The following PLXND1 variants were observed in gnomAD, a reference collection of about 807,000 sequenced individuals.
The protein encoded by PLXND1 is plexin-D1.
Under a neutral mutation model 197.7 loss-of-function variants are expected in PLXND1, and 54 were observed. The ratio of observed to expected loss-of-function variants is 0.27; its 90% confidence interval spans 0.22 to 0.34. The LOEUF (loss-of-function observed/expected upper bound fraction) is 0.34. Among genes scored for constraint, PLXND1 ranks in the 10% least tolerant of loss-of-function variants. PLXND1 has a pLI of 1.00. For missense variants in PLXND1, 2,127 were observed against 2,699.2 expected, an observed-to-expected ratio of 0.79 and a Z score of 4.70; for synonymous variants, 1,180 against 1,161.2, an observed-to-expected ratio of 1.02 and a Z score of -0.33.
intron 1 of PLXND1, among the ~76,000 whole-genome samples, chr3:129,594,601 G>A (rs1278425758): frequency 6.6e-6 from 1 of 152,172 alleles, no homozygotes; most frequent in African/African-American, 2.4e-5. Context: ...CATCCTTCAC[G>A]GGAGCCAAAG....
In PLXND1 at chr3:129,600,414, C is replaced by T. The variant is rs534627332; in HGVS notation, c.1311+4915G>A. ...TGTATTTATTTTTTATTATGGGCAG[C>T]CCCCTAAGCCAGAGTAGGCTGAGAG... is the stretch of plus-strand genomic sequence containing the variant. On this transcript the variant is annotated intron_variant, in intron 1 of 35. Transcript: ENST00000324093. Among the ~76,000 whole-genome samples, 6 of 152,244 alleles carry T rather than the reference C, an allele frequency of 3.9e-5. No individual in the cohort carries two copies. The South Asian group carries it at 1.0e-3, about 26-fold the overall frequency.
At position 129,605,783 on chromosome 3, in the gene PLXND1, G is replaced by C. The variant is rs768510814; in HGVS notation, c.857C>G (p.Pro286Arg). The change falls in exon 1 of 36, where the codon CCG (proline) becomes CGG (arginine). Residue 286 changes from proline (P) to arginine (R), a missense_variant. Coordinates refer to ENST00000324093, the MANE Select transcript of PLXND1 (RefSeq NM_015103.3). The stretch of plus-strand genomic sequence containing the variant: ...CTGTGCACCCGGCGGCGGGTCGGAC[G>C]GGTGCAGGAAGGCGCTCACGAAGCC... ...KLGFVSAFLH[P>R]SDPPPGAQSY... is the part of the protein sequence containing the mutation. The C allele has an allele frequency of 9.5e-6, 15 of 1,586,514 alleles. No individual in the cohort carries two copies. The highest frequency in any genetic ancestry group is 5.4e-5 in the Admixed American group (3 of 55,352).
At chr3:129,571,624 A>G in intron 16 of PLXND1, 25 bp from the exon 17 acceptor site, 1 of 1,613,794 alleles carries the variant, frequency 6.2e-7, no homozygotes, top group Non-Finnish European at 8.5e-7. Flanking sequence ...AAAACCTATC[A>G]GTGCACCTGC....
At position 129,555,403 on chromosome 3, in the gene PLXND1, C is replaced by A; in HGVS notation, c.*909G>T. The A allele has an allele frequency of 1.6e-6, 1 of 635,874 alleles. No homozygotes were observed. The highest frequency in any genetic ancestry group is 3.0e-5 in the East Asian group (1 of 33,586). 39.4% of individuals were successfully genotyped at this position (635,874 alleles called of 1,614,324 possible). A position where few individuals can be genotyped will look rare whatever the true frequency, so the allele number is the denominator to read the frequency against. On this transcript the variant is annotated 3_prime_UTR_variant, in exon 36 of 36. Transcript: ENST00000324093. ...GGGTGGTAGTCTCAGGCGCCAGGGGCGCTCTGCCAGGTCTGCCCGCTCTCT... is the reference window on the plus strand; with the variant it reads ...GGGTGGTAGTCTCAGGCGCCAGGGGAGCTCTGCCAGGTCTGCCCGCTCTCT...
rs576636463 is a variant in PLXND1, at chr3:129,599,146, C to T, written c.1311+6183G>A. Among the ~76,000 whole-genome samples the T allele has an allele frequency of 1.1e-4, 16 of 152,330 alleles. No homozygotes were observed. The South Asian group carries it at 1.7e-3, about 16-fold the overall frequency. Reference sequence around the variant, plus strand: ...CCCGCTCCTGTCCCAGTACACGCCACGCGTCTTTGTTCACGGCAGCAACCA... The same window carrying T: ...CCCGCTCCTGTCCCAGTACACGCCATGCGTCTTTGTTCACGGCAGCAACCA... On this transcript the variant is annotated intron_variant, in intron 1 of 35. Coordinates refer to ENST00000324093, the MANE Select transcript of PLXND1 (RefSeq NM_015103.3).
chr3:129,593,927 C>T (rs1347592676), intron 1 of PLXND1, among the ~76,000 whole-genome samples: 3 of 152,230 alleles, frequency 2.0e-5, no homozygotes, highest in African/African-American at 7.2e-5. Context: ...AAGCTCAGCT[C>T]TGCCCACTCT....
intron 9 of PLXND1, among the ~76,000 whole-genome samples, chr3:129,576,422 C>T (rs1219289492): frequency 6.6e-6 from 1 of 152,240 alleles, no homozygotes; most frequent in East Asian, 1.9e-4. Flanking sequence ...GTGTGCCTCA[C>T]TTGATCCTCA....
At position 129,564,766 on chromosome 3, in the gene PLXND1, C is replaced by T. The variant is rs147494023; in HGVS notation, c.4521+574G>A. On this transcript the variant is annotated intron_variant, in intron 25 of 35. Transcript: ENST00000324093. ...TTTGGCCTTCCTTCTATTCCTTCCA[C>T]GAACATCCCCTCCTCCCGGCCTCTG... 7.7e-4 allele frequency among the ~76,000 whole-genome samples: 117 copies of T among 152,358 alleles called. 1 individual carries two copies. In the East Asian group the frequency reaches 0.02, roughly 25 times the overall value.
chr3:129,584,653 G>T, intron 5 of PLXND1, 91 bp from the exon 6 acceptor site: 1 of 1,233,520 alleles, frequency 8.1e-7, no homozygotes, highest in Non-Finnish European at 1.1e-6. Context: ...GTCTGGCACT[G>T]CCTGAATGTC....
Position 129,557,109 on chromosome 3 carries a change from T to G in PLXND1, c.5560A>C (p.Asn1854His). 6.2e-7 allele frequency: 1 copy of G among 1,614,084 alleles called. No homozygotes were observed. The highest frequency in any genetic ancestry group is 8.5e-7 in the Non-Finnish European group (1 of 1,180,022). Residue 1854 changes from asparagine (N) to histidine (H), a missense_variant, in exon 34 of 36, where the codon AAT becomes CAT. Coordinates refer to ENST00000324093, the MANE Select transcript of PLXND1 (RefSeq NM_015103.3). This position sits in a 1 kb window ranked among gnomAD's most constrained non-coding sequence, Gnocchi z 4.8. ...CTCGACTCCTCGGCCAGATGGGCAT[T>G]CATCTCTTGCTCGCTGAGCGGCGTC... ...DMTPLSEQEMNAHLAEESRKY... is the reference protein window; with the variant it reads ...DMTPLSEQEMHAHLAEESRKY...
At chr3:129,603,239 G>C (rs569979501) in intron 1 of PLXND1, among the ~76,000 whole-genome samples, 2 of 152,162 alleles carry the variant, frequency 1.3e-5, no homozygotes, top group Admixed American at 6.5e-5. Flanking sequence ...GAGGCCCTTC[G>C]CCACTCTGTC....
Position 129,556,162 on chromosome 3 carries a change from TCA to T in PLXND1, c.*148_*149del. The stretch of plus-strand genomic sequence containing the variant: ...GGGTCAAGGCGGGGGCGCCCCTGTC[TCA>T]GAGAGCAGCCCCTCCTCCTGCCCCC... On this transcript the variant is annotated 3_prime_UTR_variant, in exon 36 of 36. Coordinates refer to ENST00000324093, the MANE Select transcript of PLXND1 (RefSeq NM_015103.3). 1.5e-6 allele frequency: 1 copy of T among 666,842 alleles called. No homozygotes were observed. The highest frequency in any genetic ancestry group is 1.7e-5 in the South Asian group (1 of 58,560). 41.3% of individuals were successfully genotyped at this position (666,842 alleles called of 1,614,324 possible).
At chr3:129,561,465 G>C (rs2085058981) in intron 29 of PLXND1, among the ~76,000 whole-genome samples, 181 bp downstream of exon 29, 1 of 152,206 alleles carries the variant, frequency 6.6e-6, no homozygotes, top group South Asian at 2.1e-4. Flanking sequence ...AGGAGGCCTG[G>C]TGTGGGCCCT....
chr3:129,592,222 C>G (rs945569052), intron 1 of PLXND1, among the ~76,000 whole-genome samples: 5 of 152,168 alleles, frequency 3.3e-5, no homozygotes, highest in Non-Finnish European at 5.9e-5. Flanking sequence ...GCTGAGCGGT[C>G]TCCCCAGCTG....
chr3:129,583,405 G>A (rs2085412312), intron 8 of PLXND1, among the ~76,000 whole-genome samples, 162 bp downstream of exon 8: 1 of 152,154 alleles, frequency 6.6e-6, no homozygotes, highest in East Asian at 1.9e-4. Flanking sequence ...CCAACTATAG[G>A]GCATGGGTTA....
At chr3:129,559,594 G>T (rs778249484) in intron 32 of PLXND1, 26 bp downstream of exon 32, 2 of 1,557,974 alleles carry the variant, frequency 1.3e-6, no homozygotes, top group Admixed American at 1.8e-5. Context: ...GCACAGTGAA[G>T]TCCACACGGC....
At position 129,595,921 on chromosome 3, in the gene PLXND1, G is replaced by GCACACACACACACA. The variant is rs57098603; in HGVS notation, c.1312-6408_1312-6395dup. On this transcript the variant is annotated intron_variant, in intron 1 of 35. Transcript: ENST00000324093. ...CTTACAGCCCTGGGGGTGCACGCAC[G>GCACACACACACACA]CACACACACACACACACACACACAC... Among the ~76,000 whole-genome samples, 859 of 146,478 alleles carry GCACACACACACACA rather than the reference G, an allele frequency of 5.9e-3. 8 individuals carry two copies. Among genetic ancestry groups the GCACACACACACACA allele is most frequent in the African/African-American group, 0.012 (473 of 39,590 alleles).
At chr3:129,563,719 G>A (rs2085097151) in intron 25 of PLXND1, among the ~76,000 whole-genome samples, 1 of 152,204 alleles carries the variant, frequency 6.6e-6, no homozygotes, top group South Asian at 2.1e-4. Flanking sequence ...GAGGAATGGG[G>A]CTCAATGTCC....
intron 5 of PLXND1, 88 bp downstream of exon 5, chr3:129,585,864 G>A (rs2085451281): frequency 6.5e-7 from 1 of 1,544,744 alleles, no homozygotes; most frequent in African/African-American, 1.4e-5. Flanking sequence ...CACCATGGGT[G>A]GGAGTCTCCA....
Sources: gnomAD v4.1 joint callset for allele counts (sites outside exome capture counted in the v4.1 genomes callset) on GRCh38, gnomAD v4.1.1 for gene constraint, Gnocchi (gnomAD v3.1) non-coding constraint, MANE v1.5 for transcripts, NCBI Gene and HGNC (gene_info 2026-07-23, HGNC 2026-07-21) for gene names.